The following CNTN4 variants were observed in gnomAD, a reference collection of about 807,000 sequenced individuals.
CNTN4 encodes the protein contactin 4.
A neutral mutation model predicts 122.5 loss-of-function variants in CNTN4; 77 were observed. That is an observed-to-expected ratio of 0.63 (90% CI 0.52 to 0.76). The LOEUF (loss-of-function observed/expected upper bound fraction) is 0.76, where lower values mean the gene tolerates loss of function less well. Ranked by LOEUF, CNTN4 falls within the 30% of genes least tolerant of loss-of-function variation. CNTN4 has a pLI of 0.00. For missense variants in CNTN4, 1,256 were observed against 1,259.1 expected, an observed-to-expected ratio of 1.00 and a Z score of 0.04; for synonymous variants, 512 against 447.0, an observed-to-expected ratio of 1.15 and a Z score of -1.83.
chr3:2,234,576 C>G (rs201771674), intron 2 of CNTN4, among the ~76,000 whole-genome samples: 1 of 151,988 alleles, frequency 6.6e-6, no homozygotes, highest in East Asian at 1.9e-4. Context: ...ATTAAATGCC[C>G]TTTTATGAAA....
intron 6 of CNTN4, among the ~76,000 whole-genome samples, chr3:2,790,979 G>T (rs976717601): frequency 6.6e-6 from 1 of 151,782 alleles, no homozygotes; most frequent in Non-Finnish European, 1.5e-5. Context: ...TGTCTTCTCT[G>T]CTAGCCTGTA....
chr3:2,988,131 A>G (rs1694745506), intron 13 of CNTN4, among the ~76,000 whole-genome samples: 1 of 152,190 alleles, frequency 6.6e-6, no homozygotes, highest in Non-Finnish European at 1.5e-5. Flanking sequence ...CATTTTAGCA[A>G]GAAAAGAATT....
chr3:3,019,797 T>TAC (rs1553727546), intron 14 of CNTN4, among the ~76,000 whole-genome samples: 11 of 126,318 alleles, frequency 8.7e-5, no homozygotes, highest in South Asian at 7.9e-4. Flanking sequence ...TATATATATA[T>TAC]ACACATGCAT....
intron 3 of CNTN4, among the ~76,000 whole-genome samples, chr3:2,436,442 A>G (rs1041904215): frequency 1.3e-5 from 2 of 152,136 alleles, no homozygotes; most frequent in South Asian, 4.1e-4. Context: ...TCCTAATCAG[A>G]TGAGGAAGGA....
intron 7 of CNTN4, among the ~76,000 whole-genome samples, chr3:2,823,706 G>A (rs969771289): frequency 2.0e-5 from 3 of 152,106 alleles, no homozygotes; most frequent in Non-Finnish European, 4.4e-5. Context: ...CGTTAAATAG[G>A]AATAGAACAG....
chr3:2,998,895 T>C (rs561067890), intron 14 of CNTN4, among the ~76,000 whole-genome samples: 3 of 152,342 alleles, frequency 2.0e-5, no homozygotes, highest in Admixed American at 2.0e-4. Flanking sequence ...AAATTTTGCT[T>C]CTTCTAAGAG....
At chr3:3,004,650 A>T (rs1295043115) in intron 14 of CNTN4, among the ~76,000 whole-genome samples, 2 of 152,246 alleles carry the variant, frequency 1.3e-5, no homozygotes, top group African/African-American at 4.8e-5. Flanking sequence ...ATTTCATAGG[A>T]TAGTTGGGAA....
Position 2,841,145 on chromosome 3 carries a change from G to A in CNTN4, c.454+21564G>A, listed in dbSNP as rs1229769283. On this transcript the variant is annotated intron_variant, in intron 7 of 24. Coordinates refer to ENST00000418658, the MANE Select transcript of CNTN4 (RefSeq NM_175607.3). This position sits in a 1 kb window ranked among gnomAD's most constrained non-coding sequence, Gnocchi z 4.8. ...CAGTGAAGATAATCTGAGGGTTAAT[G>A]CTAACTCTCATAGAATTTAAGTCAA... Among the ~76,000 whole-genome samples, 2 of 152,166 alleles carry A rather than the reference G, an allele frequency of 1.3e-5. No individual in the cohort carries two copies. The highest frequency in any genetic ancestry group is 2.9e-5 in the Non-Finnish European group (2 of 68,036).
At chr3:2,312,747 A>G (rs1327627231) in intron 2 of CNTN4, among the ~76,000 whole-genome samples, 1 of 152,096 alleles carries the variant, frequency 6.6e-6, no homozygotes, top group Non-Finnish European at 1.5e-5. Context: ...TGTTGGAGAA[A>G]CCAGTGTTTC....
At chr3:3,008,912 T>G (rs1159864501) in intron 14 of CNTN4, 2 of 982,054 alleles carry the variant, frequency 2.0e-6, no homozygotes, top group Admixed American at 6.1e-5. Context: ...CACCAAGATC[T>G]AATAAGCTGT....
chr3:2,447,074 A>T (rs1391479547), intron 3 of CNTN4, among the ~76,000 whole-genome samples: 1 of 152,180 alleles, frequency 6.6e-6, no homozygotes, highest in Non-Finnish European at 1.5e-5. Context: ...CATATGCTTG[A>T]CACTATCATT....
chr3:2,120,391 ATATATATATATATATT>A (rs1365337456), intron 2 of CNTN4, among the ~76,000 whole-genome samples: 1 of 29,020 alleles, frequency 3.4e-5, no homozygotes, highest in South Asian at 1.2e-3. Context: ...ATATATATAT[ATATATATATATATATT>A]TTTTTTTTTT....
intron 4 of CNTN4, among the ~76,000 whole-genome samples, chr3:2,595,763 C>T (rs886441095): frequency 6.6e-6 from 1 of 152,100 alleles, no homozygotes; most frequent in Non-Finnish European, 1.5e-5. Context: ...AGTGAGTATC[C>T]AGCGTTATTT....
chr3:3,051,140 G>T (rs758655361), intron 23 of CNTN4, among the ~76,000 whole-genome samples: 12 of 152,160 alleles, frequency 7.9e-5, no homozygotes, highest in Non-Finnish European at 1.5e-4. Flanking sequence ...CTTCCAGTGT[G>T]GTCCAGGGAA....
chr3:3,015,533 C>T (rs1351176115), intron 14 of CNTN4, among the ~76,000 whole-genome samples: 2 of 152,226 alleles, frequency 1.3e-5, no homozygotes, highest in African/African-American at 2.4e-5. Context: ...CAAAGAAGTA[C>T]TGCTTTAGAA....
At chr3:2,983,987 TTA>T (rs1694312158) in intron 13 of CNTN4, among the ~76,000 whole-genome samples, 1 of 152,218 alleles carries the variant, frequency 6.6e-6, no homozygotes, top group African/African-American at 2.4e-5. Flanking sequence ...CTTACCTCTC[TTA>T]CTTACCTCTT....
chr3:2,358,600 G>C (rs1185036685), intron 3 of CNTN4, among the ~76,000 whole-genome samples: 1 of 152,002 alleles, frequency 6.6e-6, no homozygotes, highest in Non-Finnish European at 1.5e-5. Context: ...AATGATTTTA[G>C]ATGATCTGCT....
At chr3:2,381,803 G>A (rs2046033016) in intron 3 of CNTN4, among the ~76,000 whole-genome samples, 1 of 151,944 alleles carries the variant, frequency 6.6e-6, no homozygotes, top group Non-Finnish European at 1.5e-5. Flanking sequence ...TTTTAAAAAT[G>A]TTTTTAGCTC....
At chr3:2,467,014 A>T (rs1381465618) in intron 3 of CNTN4, among the ~76,000 whole-genome samples, 1 of 126,614 alleles carries the variant, frequency 7.9e-6, no homozygotes. Flanking sequence ...AAGTGCTGTC[A>T]CTGATCTAAT....
Sources: allele counts gnomAD v4.1 joint callset (sites outside exome capture counted in the v4.1 genomes callset), GRCh38; gene constraint gnomAD v4.1.1; non-coding constraint Gnocchi (gnomAD v3.1); transcripts MANE v1.5; gene names NCBI Gene and HGNC (gene_info 2026-07-23, HGNC 2026-07-21).